The following ERBIN variants were observed in gnomAD, a reference collection of about 807,000 sequenced individuals.
ERBIN encodes the protein erbb2 interacting protein, also known as densin-180-like protein.
In ERBIN, 60 loss-of-function variants were observed where a neutral mutation model predicts 158.4. The ratio of observed to expected loss-of-function variants is 0.38; its 90% CI spans 0.31 to 0.47. The LOEUF (loss-of-function observed/expected upper bound fraction) is 0.47, where lower values mean the gene tolerates loss of function less well. Ranked by LOEUF, ERBIN falls within the 20% of genes least tolerant of loss-of-function variation. ERBIN has a pLI of 0.99. For missense variants in ERBIN, 1,610 were observed against 1,648.0 expected (o/e 0.98, Z 0.40); for synonymous variants, 594 against 557.2 (o/e 1.07, Z -0.93).
chr5:66,046,696 T>C (rs1026171416), intron 18 of ERBIN, among the ~76,000 whole-genome samples, 158 bp downstream of exon 18: 7 of 152,220 alleles, frequency 4.6e-5, no homozygotes, highest in Non-Finnish European at 1.0e-4. Flanking sequence ...CTTGTCACTT[T>C]AAACTTACAA....
intron 7 of ERBIN, among the ~76,000 whole-genome samples, chr5:66,018,506 T>TTATATTATATAA (rs1755150871): frequency 3.6e-4 from 2 of 5,590 alleles, no homozygotes; most frequent in African/African-American, 5.8e-4. Flanking sequence ...ATAATATATA[T>TTATATTATATAA]TATATATTAT....
At chr5:65,992,189 G>C (rs1751940279) in intron 2 of ERBIN, among the ~76,000 whole-genome samples, 1 of 151,852 alleles carries the variant, frequency 6.6e-6, no homozygotes, top group African/African-American at 2.4e-5. Flanking sequence ...TCGCTCTGTT[G>C]CCCAGGCTGG....
chr5:66,023,706 C>T (rs538478008), intron 9 of ERBIN, among the ~76,000 whole-genome samples: 4 of 144,946 alleles, frequency 2.8e-5, no homozygotes, highest in South Asian at 4.3e-4. Flanking sequence ...GACAGAGTCT[C>T]GCTCTGTTGC....
At chr5:65,941,023 C>T (rs1416459879) in intron 1 of ERBIN, among the ~76,000 whole-genome samples, 1 of 152,116 alleles carries the variant, frequency 6.6e-6, no homozygotes, top group Non-Finnish European at 1.5e-5. Flanking sequence ...CTACCCCCAA[C>T]CCTGTGCTCT....
chr5:65,952,182 G>T (rs1416613735), intron 1 of ERBIN, among the ~76,000 whole-genome samples: 1 of 151,996 alleles, frequency 6.6e-6, no homozygotes, highest in Non-Finnish European at 1.5e-5. Flanking sequence ...TTCACATAAA[G>T]AATCATTAGC....
At chr5:66,065,699 T>A (rs767993686) in intron 21 of ERBIN, among the ~76,000 whole-genome samples, 1 of 149,528 alleles carries the variant, frequency 6.7e-6, no homozygotes, top group Non-Finnish European at 1.5e-5. Flanking sequence ...TTATTTGTTA[T>A]CCCATTTTCC....
At position 65,955,052 on chromosome 5, in the gene ERBIN, C is replaced by T. The variant is rs894995669; in HGVS notation, c.-58+28246C>T. Among the ~76,000 whole-genome samples, 5 of 151,682 alleles carry T rather than the reference C, an allele frequency of 3.3e-5. No homozygotes were observed. In the South Asian group the frequency reaches 6.2e-4, roughly 19 times the overall value. On this transcript the variant is annotated intron_variant, in intron 1 of 25. Coordinates refer to ENST00000284037, the MANE Select transcript of ERBIN (RefSeq NM_001253697.2). ...TTGCACTCCAGCCTGGGTAGCAGAGCGAGATTCCGTCTTATAAAAACAAAA... is the reference window on the plus strand; with the variant it reads ...TTGCACTCCAGCCTGGGTAGCAGAGTGAGATTCCGTCTTATAAAAACAAAA...
At chr5:66,044,876 G>T (rs1758271160) in intron 17 of ERBIN, among the ~76,000 whole-genome samples, 1 of 151,732 alleles carries the variant, frequency 6.6e-6, no homozygotes, top group Admixed American at 6.6e-5. Context: ...GAGGATTTGA[G>T]AACAGCCTGA....
At chr5:65,934,807 C>T (rs1207760582) in intron 1 of ERBIN, among the ~76,000 whole-genome samples, 1 of 152,014 alleles carries the variant, frequency 6.6e-6, no homozygotes, top group Non-Finnish European at 1.5e-5. Flanking sequence ...TTACATGTAC[C>T]TAGGTTTATC....
chr5:65,972,860 T>A (rs770703515), intron 1 of ERBIN, among the ~76,000 whole-genome samples: 3 of 151,348 alleles, frequency 2.0e-5, no homozygotes, highest in African/African-American at 7.4e-5. Flanking sequence ...AGGTTTTTGG[T>A]GTTCCTAATC....
At chr5:65,943,548 A>G (rs989368966) in intron 1 of ERBIN, among the ~76,000 whole-genome samples, 1 of 152,188 alleles carries the variant, frequency 6.6e-6, no homozygotes, top group African/African-American at 2.4e-5. Flanking sequence ...TTTTTAAGTC[A>G]TTGCTCTACA....
intron 7 of ERBIN, among the ~76,000 whole-genome samples, chr5:66,020,187 C>G (rs1044225623): frequency 5.3e-5 from 8 of 151,920 alleles, no homozygotes; most frequent in African/African-American, 1.9e-4. Context: ...GACAGAATGG[C>G]ATATTTAAAA....
chr5:66,076,064 C>T (rs1012035194), intron 23 of ERBIN: 2 of 437,598 alleles, frequency 4.6e-6, no homozygotes, highest in Non-Finnish European at 8.1e-6. Flanking sequence ...TTAATTGATT[C>T]CTTATCCTCA....
At chr5:65,952,964 A>G (rs1205349431) in intron 1 of ERBIN, among the ~76,000 whole-genome samples, 1 of 152,218 alleles carries the variant, frequency 6.6e-6, no homozygotes, top group Non-Finnish European at 1.5e-5. Flanking sequence ...GCCAAAAAAA[A>G]AGTTTCGTCC....
chr5:65,982,508 C>A (rs1750765480), intron 1 of ERBIN, among the ~76,000 whole-genome samples: 1 of 152,154 alleles, frequency 6.6e-6, no homozygotes, highest in South Asian at 2.1e-4. Context: ...CTCTCATATA[C>A]AAAATTTGAT....
At chr5:66,058,793 A>G (rs1218101630) in intron 21 of ERBIN, among the ~76,000 whole-genome samples, 2 of 151,482 alleles carry the variant, frequency 1.3e-5, no homozygotes, top group Admixed American at 6.6e-5. Flanking sequence ...TAAATAGGGA[A>G]TCCTTTCCCC....
At chr5:66,035,215 A>G (rs1468123888) in intron 14 of ERBIN, among the ~76,000 whole-genome samples, 1 of 152,186 alleles carries the variant, frequency 6.6e-6, no homozygotes, top group Non-Finnish European at 1.5e-5. Context: ...TATTCTTAAC[A>G]ATATCTTCAG....
At chr5:66,058,913 G>C (rs1759931102) in intron 21 of ERBIN, among the ~76,000 whole-genome samples, 1 of 152,306 alleles carries the variant, frequency 6.6e-6, no homozygotes, top group African/African-American at 2.4e-5. Flanking sequence ...TTTGGTACCA[G>C]TACCGTGCCG....
intron 8 of ERBIN, 90 bp downstream of exon 8, chr5:66,021,475 A>G (rs1755679710): frequency 1.0e-6 from 1 of 964,526 alleles, no homozygotes; most frequent in African/African-American, 1.7e-5. Flanking sequence ...TACAAATTGG[A>G]TAAAGGTTTA....
Sources: gnomAD v4.1 joint callset for allele counts (sites outside exome capture counted in the v4.1 genomes callset) on GRCh38, gnomAD v4.1.1 for gene constraint, MANE v1.5 for transcripts, NCBI Gene and HGNC (gene_info 2026-07-23, HGNC 2026-07-21) for gene names.